The following NGEF variants were observed in gnomAD, a reference collection of about 807,000 sequenced individuals.
NGEF encodes ephexin-1.
In NGEF, 31 loss-of-function variants were observed where a neutral mutation model predicts 80.9. The observed-to-expected ratio is 0.38, with a 90% CI of 0.29 to 0.52. NGEF has a LOEUF of 0.52. Among genes scored for constraint, NGEF ranks in the 20% least tolerant of loss-of-function variants. The pLI, the probability that NGEF is intolerant of heterozygous loss-of-function variation, is 0.84. For missense variants in NGEF, 709 were observed against 926.2 expected (o/e 0.77, Z 3.04); for synonymous variants, 371 against 370.2 (o/e 1.00, Z -0.03).
At chr2:232,893,798 C>T (rs1264428657) in intron 6 of NGEF, among the ~76,000 whole-genome samples, 9 of 152,090 alleles carry the variant, frequency 5.9e-5, no homozygotes, top group Non-Finnish European at 1.2e-4. Context: ...AAAGAAGTGC[C>T]GCAGCAGAAG....
At chr2:232,884,644 T>G (rs895660072) in intron 10 of NGEF, among the ~76,000 whole-genome samples, 1 of 152,182 alleles carries the variant, frequency 6.6e-6, no homozygotes, top group South Asian at 2.1e-4. Flanking sequence ...AGGCCAGGCC[T>G]GCAGCTGAAC....
At chr2:232,916,330 A>G (rs1251225335) in intron 5 of NGEF, among the ~76,000 whole-genome samples, 1 of 152,170 alleles carries the variant, frequency 6.6e-6, no homozygotes, top group Non-Finnish European at 1.5e-5. Context: ...AGGCACAGAG[A>G]AGTTAAGTAA....
chr2:232,921,303 G>C lies in NGEF; in HGVS notation c.527-718C>G, dbSNP rs183966050. Among the ~76,000 whole-genome samples, 902 of 152,288 alleles carry C rather than the reference G, an allele frequency of 5.9e-3. 6 individuals are homozygous for C. Among genetic ancestry groups the C allele is most frequent in the African/African-American group, 0.02 (831 of 41,542 alleles). On this transcript the variant is annotated intron_variant, in intron 4 of 14. Coordinates refer to ENST00000264051, the MANE Select transcript of NGEF (RefSeq NM_019850.3). ...TTGGGGTTGGGGGGTTGCCGTGGCT[G>C]GGTGGGATGGTGAGGGGTAATCCTG...
chr2:232,977,074 G>C (rs1382016142), intron 1 of NGEF, among the ~76,000 whole-genome samples: 1 of 152,164 alleles, frequency 6.6e-6, no homozygotes, highest in Non-Finnish European at 1.5e-5. Flanking sequence ...GAGATGGGGT[G>C]ATTTTCATTC....
chr2:232,903,298 AGG>A (rs1455525856), intron 5 of NGEF, among the ~76,000 whole-genome samples: 3 of 152,362 alleles, frequency 2.0e-5, no homozygotes, highest in Admixed American at 6.5e-5. Context: ...ATCCATCAAC[AGG>A]GACAGGTTAA....
chr2:232,970,425 G>C, intron 2 of NGEF, 97 bp from the exon 3 acceptor site: 1 of 759,148 alleles, frequency 1.3e-6, no homozygotes, highest in Non-Finnish European at 2.2e-6. Flanking sequence ...AGTCATGCTG[G>C]AAGGTGGAGG....
At chr2:232,930,469 G>A (rs961045917) in intron 3 of NGEF, among the ~76,000 whole-genome samples, 8 of 152,142 alleles carry the variant, frequency 5.3e-5, no homozygotes, top group African/African-American at 1.2e-4. Context: ...ACAGGCACCC[G>A]CCACCACGCC....
At chr2:232,901,547 G>T in intron 5 of NGEF, 2 of 580,858 alleles carry the variant, frequency 3.4e-6, no homozygotes, top group Non-Finnish European at 4.3e-6. Context: ...GGGGGTCGGA[G>T]CCAAAGGCCA....
chr2:232,972,303 C>T (rs772388975), intron 2 of NGEF, among the ~76,000 whole-genome samples: 3 of 152,064 alleles, frequency 2.0e-5, no homozygotes, highest in Non-Finnish European at 4.4e-5. Context: ...ACTATTTCAT[C>T]GATATTTTTT....
chr2:232,923,530 G>C (rs1459532453), intron 4 of NGEF, among the ~76,000 whole-genome samples: 2 of 152,070 alleles, frequency 1.3e-5, no homozygotes, highest in African/African-American at 4.8e-5. Context: ...GAGGTCAGGA[G>C]TTCGAGACCA....
chr2:232,916,463 T>TA (rs557577323), intron 5 of NGEF, among the ~76,000 whole-genome samples: 7 of 151,702 alleles, frequency 4.6e-5, no homozygotes, highest in Admixed American at 4.6e-4. Context: ...TTGAAAATAT[T>TA]AAAAAAAAGA....
At chr2:232,948,535 G>C (rs1441890476) in intron 3 of NGEF, among the ~76,000 whole-genome samples, 3 of 152,176 alleles carry the variant, frequency 2.0e-5, no homozygotes, top group African/African-American at 7.2e-5. Flanking sequence ...GGGAGAAAGA[G>C]AAAAGAGAGA....
chr2:232,921,488 G>C (rs1692942470), intron 4 of NGEF, among the ~76,000 whole-genome samples: 1 of 152,154 alleles, frequency 6.6e-6, no homozygotes, highest in African/African-American at 2.4e-5. Flanking sequence ...GCCTCACTCT[G>C]TTACCCAGGC....
chr2:232,915,383 T>C (rs1692776349), intron 5 of NGEF, among the ~76,000 whole-genome samples: 2 of 152,174 alleles, frequency 1.3e-5, no homozygotes, highest in Non-Finnish European at 1.5e-5. Context: ...CAAGCTGGCA[T>C]CTCAGAAGTT....
At chr2:232,942,792 CA>C (rs35882284) in intron 3 of NGEF, among the ~76,000 whole-genome samples, 47,670 of 120,358 alleles carry the variant, frequency 0.4, 7,775 homozygotes, top group African/African-American at 0.49. Context: ...GACTCCGTCT[CA>C]AAAAAAAAAA....
At chr2:232,927,000 C>T (rs1405497098) in intron 4 of NGEF, 44 bp downstream of exon 4, 1 of 1,613,362 alleles carries the variant, frequency 6.2e-7, no homozygotes, top group South Asian at 1.1e-5. Flanking sequence ...CCTCCAGGGA[C>T]CCGCGTTTCC....
chr2:232,991,620 C>T (rs1043452033), intron 1 of NGEF, among the ~76,000 whole-genome samples: 1 of 151,992 alleles, frequency 6.6e-6, no homozygotes, highest in African/African-American at 2.4e-5. Context: ...GAAAGATATC[C>T]TATTTTCATG....
At chr2:232,945,711 T>C (rs995527364) in intron 3 of NGEF, among the ~76,000 whole-genome samples, 2 of 152,164 alleles carry the variant, frequency 1.3e-5, no homozygotes, top group African/African-American at 4.8e-5. Flanking sequence ...CAAATTTTTG[T>C]TGTTTAAAAG....
At chr2:232,993,524 A>G (rs1694715876) in intron 1 of NGEF, among the ~76,000 whole-genome samples, 5 of 152,114 alleles carry the variant, frequency 3.3e-5, no homozygotes, top group Admixed American at 3.3e-4. Flanking sequence ...TTCTCAAAAG[A>G]TCAAACATAG....
Sources: allele counts gnomAD v4.1 joint callset (sites outside exome capture counted in the v4.1 genomes callset), GRCh38; gene constraint gnomAD v4.1.1; transcripts MANE v1.5; gene names NCBI Gene and HGNC (gene_info 2026-07-23, HGNC 2026-07-21).